Variants in TENM3 observed in about 807,000 individuals in gnomAD.
TENM3 encodes teneurin-3.
TENM3 carries 63 observed loss-of-function variants against 255.1 expected under a neutral mutation model. The ratio of observed to expected loss-of-function variants is 0.25; its 90% CI spans 0.20 to 0.30. The LOEUF (loss-of-function observed/expected upper bound fraction) is 0.30, where lower values mean the gene tolerates loss of function less well. Ranked by LOEUF, TENM3 falls within the 10% of genes least tolerant of loss-of-function variation. The pLI, the probability that TENM3 is intolerant of heterozygous loss-of-function variation, is 1.00. For synonymous variants in TENM3, 1,306 were observed against 1,322.3 expected (o/e 0.99, Z 0.27); for missense variants, 2,929 against 3,461.1 (o/e 0.85, Z 3.86).
the TENM3 span, among the ~76,000 whole-genome samples, chr4:182,109,022 T>C: frequency 6.6e-6 from 1 of 151,916 alleles, no homozygotes; most frequent in Non-Finnish European, 1.5e-5. Context: ...TTAACTTATA[T>C]AGCCAGCATA....
intron 1 of TENM3, among the ~76,000 whole-genome samples, chr4:182,182,920 C>T (rs1752932164): frequency 6.6e-6 from 1 of 152,146 alleles, no homozygotes; most frequent in African/African-American, 2.4e-5. Context: ...TTATGATTAG[C>T]TAAGGAAGAC....
intron 3 of TENM3, among the ~76,000 whole-genome samples, chr4:182,485,153 A>G (rs978708288): frequency 6.6e-6 from 1 of 152,150 alleles, no homozygotes; most frequent in African/African-American, 2.4e-5. Context: ...CTGGTAATGG[A>G]TGTGCAAATG....
the TENM3 span, among the ~76,000 whole-genome samples, chr4:181,597,728 G>T: frequency 1.3e-5 from 2 of 152,272 alleles, no homozygotes; most frequent in South Asian, 4.1e-4. Context: ...AGCTAAAGCT[G>T]TAGTTTTGAT....
At chr4:182,588,573 A>C (rs1746283452) in intron 3 of TENM3, among the ~76,000 whole-genome samples, 1 of 152,178 alleles carries the variant, frequency 6.6e-6, no homozygotes. Flanking sequence ...GATTTATGTC[A>C]GTTCTTTATT....
chr4:182,658,106 A>G (rs1753908648), intron 6 of TENM3, among the ~76,000 whole-genome samples: 1 of 152,144 alleles, frequency 6.6e-6, no homozygotes, highest in Admixed American at 6.5e-5. Flanking sequence ...ACTGAAACTG[A>G]TGTCTCCAGA....
the TENM3 span, among the ~76,000 whole-genome samples, chr4:181,825,421 A>C: frequency 8.6e-5 from 13 of 150,316 alleles, no homozygotes; most frequent in East Asian, 3.9e-4. Context: ...AAAAAAAAAA[A>C]AAAAACAGAG....
At chr4:181,706,870 T>A in the TENM3 span, among the ~76,000 whole-genome samples, 1 of 152,194 alleles carries the variant, frequency 6.6e-6, no homozygotes, top group Admixed American at 6.5e-5. Context: ...GTTAGCTCAT[T>A]TCTTCATTTG....
At chr4:182,540,672 G>A (rs1049822750) in intron 3 of TENM3, among the ~76,000 whole-genome samples, 1 of 152,180 alleles carries the variant, frequency 6.6e-6, no homozygotes, top group Non-Finnish European at 1.5e-5. Context: ...TGACAGAATG[G>A]TGTCAGCGGT....
intron 3 of TENM3, among the ~76,000 whole-genome samples, chr4:182,595,117 A>G (rs950801664): frequency 6.6e-6 from 1 of 152,174 alleles, no homozygotes. Context: ...GAGATTAAGT[A>G]ATTTATGCAA....
At chr4:181,755,777 C>T in the TENM3 span, among the ~76,000 whole-genome samples, 2 of 152,000 alleles carry the variant, frequency 1.3e-5, no homozygotes, top group Non-Finnish European at 2.9e-5. Flanking sequence ...GAATAGACTA[C>T]TATGTGTTTG....
intron 3 of TENM3, among the ~76,000 whole-genome samples, chr4:182,419,826 C>A (rs1300529502): frequency 2.0e-5 from 3 of 147,694 alleles, no homozygotes; most frequent in Non-Finnish European, 4.4e-5. Context: ...ACAATGAGAA[C>A]ACTTGGACAC....
At chr4:182,181,354 C>A (rs1412213806) in intron 1 of TENM3, among the ~76,000 whole-genome samples, 3 of 152,126 alleles carry the variant, frequency 2.0e-5, no homozygotes, top group African/African-American at 4.8e-5. Flanking sequence ...GTCCCCAAAT[C>A]TTCTGCTGAA....
intron 2 of TENM3, among the ~76,000 whole-genome samples, chr4:182,326,102 C>T (rs1056535761): frequency 6.6e-5 from 10 of 152,178 alleles, no homozygotes; most frequent in Admixed American, 3.3e-4. Context: ...GAAAGGGCGC[C>T]AGGCGGCCAG....
At chr4:182,168,804 G>C (rs1282835375) in intron 1 of TENM3, among the ~76,000 whole-genome samples, 9 of 144,460 alleles carry the variant, frequency 6.2e-5, no homozygotes, top group African/African-American at 2.2e-4. Flanking sequence ...ATCTCTTAGT[G>C]CTGCTCAACA....
At chr4:181,835,783 A>T in the TENM3 span, among the ~76,000 whole-genome samples, 9 of 152,208 alleles carry the variant, frequency 5.9e-5, no homozygotes, top group Admixed American at 2.0e-4. Context: ...AATTAAAAAG[A>T]TGTGCATGTA....
At chr4:182,718,826 C>T (rs1223864143) in intron 13 of TENM3, among the ~76,000 whole-genome samples, 1 of 152,122 alleles carries the variant, frequency 6.6e-6, no homozygotes, top group African/African-American at 2.4e-5. Context: ...AAGACTCATT[C>T]GGCAAGGGGT....
At chr4:182,373,266 G>C (rs547590705) in intron 3 of TENM3, among the ~76,000 whole-genome samples, 1 of 152,132 alleles carries the variant, frequency 6.6e-6, no homozygotes, top group Admixed American at 6.5e-5. Flanking sequence ...TGGCTGCAGC[G>C]TTCATGTGAC....
chr4:181,484,892 T>C, the TENM3 span, among the ~76,000 whole-genome samples: 1 of 152,188 alleles, frequency 6.6e-6, no homozygotes, highest in Non-Finnish European at 1.5e-5. Flanking sequence ...TAAATATTGA[T>C]ATAAAGAGTT....
chr4:182,729,975 G>A (rs947315752), intron 14 of TENM3, among the ~76,000 whole-genome samples: 1 of 152,076 alleles, frequency 6.6e-6, no homozygotes, highest in Admixed American at 6.5e-5. Flanking sequence ...AAAACAGATT[G>A]CCACAAATTA....
Sources: gnomAD v4.1 joint callset for allele counts (sites outside exome capture counted in the v4.1 genomes callset) on GRCh38, gnomAD v4.1.1 for gene constraint, MANE v1.5 for transcripts, NCBI Gene and HGNC (gene_info 2026-07-23, HGNC 2026-07-21) for gene names.